Variants in ADGRL3 observed in about 807,000 individuals in gnomAD.
The protein encoded by ADGRL3 is calcium-independent alpha-latrotoxin receptor 3.
Under a neutral mutation model 153.5 loss-of-function variants are expected in ADGRL3, and 62 were observed. The ratio of observed to expected loss-of-function variants is 0.40; its 90% CI spans 0.33 to 0.50. The LOEUF (loss-of-function observed/expected upper bound fraction) is 0.50, where lower values mean the gene tolerates loss of function less well. Among genes scored for constraint, ADGRL3 ranks in the 20% least tolerant of loss-of-function variants. The pLI is 0.47. For synonymous variants in ADGRL3, 710 were observed against 672.5 expected (o/e 1.06, Z -0.86); for missense variants, 1,641 against 1,859.4 (o/e 0.88, Z 2.16).
At chr4:61,830,243 T>G (rs2097854426) in intron 9 of ADGRL3, among the ~76,000 whole-genome samples, 1 of 152,038 alleles carries the variant, frequency 6.6e-6, no homozygotes, top group South Asian at 2.1e-4. Context: ...TTCTTTAAAA[T>G]TAGCCTAGCT....
intron 8 of ADGRL3, among the ~76,000 whole-genome samples, chr4:61,759,471 G>A (rs1353548204): frequency 2.6e-5 from 4 of 152,058 alleles, no homozygotes; most frequent in Admixed American, 2.0e-4. Context: ...GATCGACTAC[G>A]AGGCTTGTGC....
chr4:61,625,517 G>A (rs912325794), intron 5 of ADGRL3, among the ~76,000 whole-genome samples: 6 of 151,840 alleles, frequency 4.0e-5, no homozygotes, highest in Non-Finnish European at 5.9e-5. Flanking sequence ...CATTCGTTAC[G>A]TTGCTAATTT....
At chr4:61,841,024 C>CT (rs35891307) in intron 9 of ADGRL3, among the ~76,000 whole-genome samples, 57,802 of 151,500 alleles carry the variant, frequency 0.38, 14,231 homozygotes, top group East Asian at 0.75. Flanking sequence ...GCTAGGTGTA[C>CT]TTAACATTGT....
chr4:61,341,537 A>G (rs1216838581), intron 1 of ADGRL3, among the ~76,000 whole-genome samples: 1 of 151,360 alleles, frequency 6.6e-6, no homozygotes, highest in African/African-American at 2.4e-5. Context: ...ATATATATAT[A>G]CACACACATT....
At chr4:61,834,239 G>A (rs943720981) in intron 9 of ADGRL3, among the ~76,000 whole-genome samples, 1 of 151,802 alleles carries the variant, frequency 6.6e-6, no homozygotes, top group Non-Finnish European at 1.5e-5. Context: ...GCGATAGTTT[G>A]CTGAGAATGA....
At chr4:61,810,643 G>C (rs2097603521) in intron 8 of ADGRL3, among the ~76,000 whole-genome samples, 1 of 152,022 alleles carries the variant, frequency 6.6e-6, no homozygotes, top group African/African-American at 2.4e-5. Flanking sequence ...AAAAATAAAG[G>C]CTTTTCCAGA....
intron 5 of ADGRL3, among the ~76,000 whole-genome samples, chr4:61,613,743 G>A (rs1044576018): frequency 3.3e-5 from 5 of 152,140 alleles, no homozygotes; most frequent in African/African-American, 9.7e-5. Flanking sequence ...GATTCCAAGT[G>A]AGTCCTGTTT....
At chr4:61,731,673 T>G (rs1366062280) in intron 7 of ADGRL3, among the ~76,000 whole-genome samples, 9 of 152,108 alleles carry the variant, frequency 5.9e-5, no homozygotes, top group Non-Finnish European at 1.3e-4. Context: ...CTTAAGCAAT[T>G]AGAATCTCTG....
intron 6 of ADGRL3, among the ~76,000 whole-genome samples, chr4:61,687,560 G>A (rs1022698632): frequency 3.3e-5 from 5 of 151,676 alleles, no homozygotes; most frequent in Non-Finnish European, 1.5e-5. Flanking sequence ...GGGAAGGGTG[G>A]GATGTAAAAT....
intron 8 of ADGRL3, among the ~76,000 whole-genome samples, chr4:61,747,039 T>C (rs191601967): frequency 3.9e-5 from 6 of 152,258 alleles, no homozygotes; most frequent in East Asian, 3.9e-4. Flanking sequence ...ACTGCCGATC[T>C]CACAGAAATA....
chr4:61,847,920 TA>T (rs2098147990), intron 9 of ADGRL3, among the ~76,000 whole-genome samples: 1 of 16,252 alleles, frequency 6.2e-5, no homozygotes, highest in Non-Finnish European at 1.4e-4. Context: ...AAATATATTA[TA>T]TATATAATAT....
At chr4:61,348,297 TAAG>T (rs943972793) in intron 1 of ADGRL3, among the ~76,000 whole-genome samples, 2 of 152,020 alleles carry the variant, frequency 1.3e-5, no homozygotes, top group Non-Finnish European at 2.9e-5. Flanking sequence ...ATTGAAATAA[TAAG>T]GAGCATAATT....
intron 2 of ADGRL3, among the ~76,000 whole-genome samples, chr4:61,458,226 A>C (rs1351383146): frequency 6.6e-6 from 1 of 151,552 alleles, no homozygotes; most frequent in Non-Finnish European, 1.5e-5. Flanking sequence ...GTCCATAAAT[A>C]TAAATATTAT....
chr4:61,849,653 G>A (rs1056092115), intron 9 of ADGRL3, among the ~76,000 whole-genome samples: 1 of 152,010 alleles, frequency 6.6e-6, no homozygotes, highest in Non-Finnish European at 1.5e-5. Context: ...TTTAGAAACA[G>A]TTCTGTGTGT....
At chr4:61,749,855 A>C (rs2096729075) in intron 8 of ADGRL3, among the ~76,000 whole-genome samples, 2 of 151,236 alleles carry the variant, frequency 1.3e-5, no homozygotes, top group Non-Finnish European at 2.9e-5. Flanking sequence ...AACTTAAAGT[A>C]TAATAATAAT....
chr4:61,814,233 T>A (rs1366310258), intron 9 of ADGRL3, among the ~76,000 whole-genome samples: 1 of 151,898 alleles, frequency 6.6e-6, no homozygotes. Flanking sequence ...CTTATTTTTT[T>A]TTTTTTACAT....
At chr4:61,421,537 C>G (rs1370756526) in intron 2 of ADGRL3, among the ~76,000 whole-genome samples, 16 of 152,090 alleles carry the variant, frequency 1.1e-4, no homozygotes. Context: ...ATTTGGCCTG[C>G]TTATTTTTCT....
At chr4:61,409,363 A>ATG (rs1484228402) in intron 2 of ADGRL3, among the ~76,000 whole-genome samples, 1 of 21,550 alleles carries the variant, frequency 4.6e-5, no homozygotes, top group Non-Finnish European at 4.6e-4. Context: ...ATAATATATT[A>ATG]TATATATAAG....
chr4:61,886,322 G>A (rs895639211), intron 9 of ADGRL3, among the ~76,000 whole-genome samples: 1 of 152,152 alleles, frequency 6.6e-6, no homozygotes, highest in Non-Finnish European at 1.5e-5. Context: ...GCTACTGACA[G>A]CATTGTTATG....
Sources: allele counts gnomAD v4.1 joint callset (sites outside exome capture counted in the v4.1 genomes callset), GRCh38; gene constraint gnomAD v4.1.1; transcripts MANE v1.5; gene names NCBI Gene and HGNC (gene_info 2026-07-23, HGNC 2026-07-21).